The following COG5 variants were observed in gnomAD, a reference collection of about 807,000 sequenced individuals.
The protein encoded by COG5 is conserved oligomeric Golgi complex subunit 5.
A neutral mutation model predicts 110.4 loss-of-function variants in COG5; 86 were observed. That is an observed-to-expected ratio of 0.78 (90% CI 0.65 to 0.93). The LOEUF (loss-of-function observed/expected upper bound fraction) is 0.93. Ranked by LOEUF, COG5 falls within the 40% of genes least tolerant of loss-of-function variation. The probability of loss-of-function intolerance (pLI) is 0.00; values close to 1 mark genes in which losing one functional copy is unlikely to be tolerated. For synonymous variants in COG5, 360 were observed against 334.6 expected, an observed-to-expected ratio of 1.08 and a Z score of -0.83; for missense variants, 1,077 against 987.0, an observed-to-expected ratio of 1.09 and a Z score of -1.22.
chr7:107,483,103 C>A (rs577336529), intron 6 of COG5, among the ~76,000 whole-genome samples: 3 of 152,232 alleles, frequency 2.0e-5, no homozygotes, highest in African/African-American at 7.2e-5. Flanking sequence ...ACCATTAATG[C>A]AATTTAGTAA....
intron 10 of COG5, among the ~76,000 whole-genome samples, chr7:107,361,066 T>C (rs1813072475): frequency 6.6e-6 from 1 of 152,192 alleles, no homozygotes; most frequent in Admixed American, 6.5e-5. Flanking sequence ...AAATATTTAA[T>C]ATTGTGGACT....
rs866217915 is a variant in COG5, at chr7:107,311,431, G to A, written c.1108+13009C>T. Among the ~76,000 whole-genome samples, 6 of 112,464 alleles carry A rather than the reference G, an allele frequency of 5.3e-5. No homozygotes were observed. The South Asian group carries it at 9.5e-4, about 18-fold the overall frequency. The allele number at this position is 112,464 out of a possible 152,430, so 73.8% of individuals were successfully genotyped here. On this transcript the variant is annotated intron_variant, in intron 11 of 21. Coordinates refer to ENST00000297135, the MANE Select transcript of COG5 (RefSeq NM_006348.5). ...AGACGGAGTCTCGCTCTGTCGCCCA[G>A]GCCAGACTGCGGACTGCAGTGGCGC...
In COG5 at chr7:107,386,939, A is replaced by G. The variant is rs149907244; in HGVS notation, c.670-14179T>C. Among the ~76,000 whole-genome samples the G allele has an allele frequency of 9.4e-3, 1,423 of 152,186 alleles. 25 individuals carry two copies. Among genetic ancestry groups the G allele is most frequent in the African/African-American group, 0.032 (1,323 of 41,516 alleles). ...TACCACCTCCTTTTCCCTCAGCCCC[A>G]CTATCACCGGGCCAAAATAACAAAG... On this transcript the variant is annotated intron_variant, in intron 7 of 21. Coordinates refer to ENST00000297135, the MANE Select transcript of COG5 (RefSeq NM_006348.5).
At chr7:107,524,590 A>T (rs983403364) in intron 6 of COG5, among the ~76,000 whole-genome samples, 18 of 152,320 alleles carry the variant, frequency 1.2e-4, no homozygotes, top group African/African-American at 4.3e-4. Flanking sequence ...CTTTTACTCA[A>T]ATATTAATTC....
chr7:107,516,875 T>C (rs1471247453), intron 6 of COG5, among the ~76,000 whole-genome samples: 1 of 152,056 alleles, frequency 6.6e-6, no homozygotes, highest in Non-Finnish European at 1.5e-5. Context: ...AGATCAAAGG[T>C]AGATAAATCC....
intron 19 of COG5, among the ~76,000 whole-genome samples, chr7:107,216,414 T>C (rs929807852): frequency 6.6e-6 from 1 of 152,206 alleles, no homozygotes; most frequent in Non-Finnish European, 1.5e-5. Flanking sequence ...AACAGACATA[T>C]ACAGCATATT....
chr7:107,263,309 T>G (rs907297519), intron 14 of COG5, among the ~76,000 whole-genome samples: 1 of 152,226 alleles, frequency 6.6e-6, no homozygotes, highest in Non-Finnish European at 1.5e-5. Context: ...AGAAGATGCT[T>G]ATTACATATG....
At chr7:107,401,270 T>C (rs955383728) in intron 7 of COG5, among the ~76,000 whole-genome samples, 1 of 152,010 alleles carries the variant, frequency 6.6e-6, no homozygotes, top group African/African-American at 2.4e-5. Flanking sequence ...CATTAAGCTT[T>C]AGAGAAAAAA....
chr7:107,443,880 T>C (rs1446613606), intron 6 of COG5, among the ~76,000 whole-genome samples: 3 of 152,200 alleles, frequency 2.0e-5, no homozygotes, highest in East Asian at 3.8e-4. Flanking sequence ...AGGTGAGCTA[T>C]AAATGAGATC....
chr7:107,548,809 C>T (rs1044539229), intron 3 of COG5, among the ~76,000 whole-genome samples: 11 of 152,218 alleles, frequency 7.2e-5, no homozygotes, highest in Admixed American at 4.6e-4. Flanking sequence ...TAGTCTACAA[C>T]TCTCTAGGCT....
chr7:107,228,579 G>A (rs1375125770), intron 19 of COG5, among the ~76,000 whole-genome samples: 2 of 152,108 alleles, frequency 1.3e-5, no homozygotes, highest in South Asian at 2.1e-4. Context: ...CCTTCAACTC[G>A]CCCATGTTTG....
At chr7:107,279,880 C>A (rs949512457) in intron 14 of COG5, among the ~76,000 whole-genome samples, 1 of 152,102 alleles carries the variant, frequency 6.6e-6, no homozygotes, top group Admixed American at 6.6e-5. Context: ...ACAGTATCAA[C>A]TCAGTGAAAT....
chr7:107,220,450 T>G (rs1414187358), intron 19 of COG5, among the ~76,000 whole-genome samples: 1 of 152,246 alleles, frequency 6.6e-6, no homozygotes, highest in Admixed American at 6.5e-5. Flanking sequence ...TAATGGGTGG[T>G]GTTGTCTTAA....
chr7:107,547,991 C>T (rs1802573484), intron 5 of COG5, 120 bp downstream of exon 5: 4 of 841,802 alleles, frequency 4.8e-6, no homozygotes, highest in South Asian at 1.6e-5. Context: ...TTTTTTTCTC[C>T]TTTTCTCTTA....
At chr7:107,553,877 T>C (rs917956145) in intron 3 of COG5, among the ~76,000 whole-genome samples, 3 of 152,244 alleles carry the variant, frequency 2.0e-5, no homozygotes, top group Non-Finnish European at 2.9e-5. Flanking sequence ...GCACTAAATA[T>C]GTGCAGGCAT....
At chr7:107,369,136 C>T (rs904614949) in intron 8 of COG5, among the ~76,000 whole-genome samples, 3 of 152,028 alleles carry the variant, frequency 2.0e-5, no homozygotes, top group African/African-American at 7.2e-5. Context: ...TTCCAATGTG[C>T]GTATTTACAC....
rs1475185246 is a variant in COG5, at chr7:107,423,792, G to A, written c.539-11160C>T. On this transcript the variant is annotated intron_variant, in intron 6 of 21. Transcript: ENST00000297135. Reference sequence around the variant, plus strand: ...CATGACCATGAGGAATTTCTTCTGGGAATGCAAGGAAGATACACACTGATA... The same window carrying A: ...CATGACCATGAGGAATTTCTTCTGGAAATGCAAGGAAGATACACACTGATA... Among the ~76,000 whole-genome samples the A allele has an allele frequency of 3.3e-5, 5 of 152,076 alleles. No individual in the cohort carries two copies. The South Asian group carries it at 6.2e-4, about 19-fold the overall frequency.
chr7:107,538,739 T>C (rs530302093), intron 5 of COG5, among the ~76,000 whole-genome samples: 2 of 147,298 alleles, frequency 1.4e-5, no homozygotes, highest in South Asian at 4.2e-4. Flanking sequence ...CTCTCAGGTA[T>C]ATACCCAAGA....
chr7:107,493,197 C>T (rs757398339), intron 6 of COG5, among the ~76,000 whole-genome samples: 1 of 152,152 alleles, frequency 6.6e-6, no homozygotes, highest in Non-Finnish European at 1.5e-5. Flanking sequence ...GGATGCAGCA[C>T]GAAGGCCCAC....
Sources: allele counts gnomAD v4.1 joint callset (sites outside exome capture counted in the v4.1 genomes callset), GRCh38; gene constraint gnomAD v4.1.1; transcripts MANE v1.5; gene names NCBI Gene and HGNC (gene_info 2026-07-23, HGNC 2026-07-21).